The following POU6F2 variants were observed in gnomAD, a reference collection of about 807,000 sequenced individuals.
The protein encoded by POU6F2 is POU class 6 homeobox 2.
Under a neutral mutation model 71.3 loss-of-function variants are expected in POU6F2, and 31 were observed. That is an observed-to-expected ratio of 0.43 (90% CI 0.33 to 0.59). The LOEUF is 0.59. POU6F2 is among the 20% of genes least tolerant of loss of function. POU6F2 has a pLI of 0.04. For synonymous variants in POU6F2, 347 were observed against 355.7 expected, an observed-to-expected ratio of 0.98 and a Z score of 0.27; for missense variants, 783 against 856.8, an observed-to-expected ratio of 0.91 and a Z score of 1.07.
At position 39,396,531 on chromosome 7, in the gene POU6F2, G is replaced by A. The variant is rs116391712; in HGVS notation, c.973-10069G>A. 5.2e-4 allele frequency among the ~76,000 whole-genome samples: 79 copies of A among 152,290 alleles called. No homozygotes were observed. In the Middle Eastern group the frequency reaches 0.01, roughly 20 times the overall value. ...ATAACTCTTCAGCGTGTCCACAAGT[G>A]CTCATGGAGAGTCCCCTCTGTCCAC... On this transcript the variant is annotated intron_variant, in intron 5 of 9. Coordinates refer to ENST00000518318, the MANE Select transcript of POU6F2 (RefSeq NM_001370959.1).
At chr7:39,098,071 C>G (rs1404183331) in intron 2 of POU6F2, among the ~76,000 whole-genome samples, 1 of 152,100 alleles carries the variant, frequency 6.6e-6, no homozygotes. Flanking sequence ...AATTGCTCTT[C>G]TTTAGGGATT....
At chr7:39,451,785 A>ACTCTCTCTTG in intron 8 of POU6F2, 84 bp downstream of exon 8, 1 of 1,421,824 alleles carries the variant, frequency 7.0e-7, no homozygotes. Context: ...TCTCTCTCTC[A>ACTCTCTCTTG]CTCTCTCTTG....
chr7:39,086,114 C>G (rs1366536009), intron 2 of POU6F2, 83 bp downstream of exon 2: 24 of 1,234,454 alleles, frequency 1.9e-5, no homozygotes, highest in Non-Finnish European at 2.2e-5. Flanking sequence ...CCCTTTTTTT[C>G]TGTTGTTCAT....
At chr7:39,327,273 T>A (rs903479981) in intron 4 of POU6F2, among the ~76,000 whole-genome samples, 15 of 134,602 alleles carry the variant, frequency 1.1e-4, no homozygotes, top group African/African-American at 3.7e-4. Flanking sequence ...AGGGAGACTC[T>A]GTCTCAAAAA....
chr7:39,275,775 A>G (rs1243420713), intron 4 of POU6F2, among the ~76,000 whole-genome samples: 1 of 151,962 alleles, frequency 6.6e-6, no homozygotes, highest in Admixed American at 6.6e-5. Flanking sequence ...GATCTTTGAC[A>G]AACCTGAGAA....
At chr7:39,144,088 AGTACC>A (rs1346588405) in intron 2 of POU6F2, among the ~76,000 whole-genome samples, 3 of 152,276 alleles carry the variant, frequency 2.0e-5, no homozygotes, top group African/African-American at 7.2e-5. Context: ...ATATTTATAA[AGTACC>A]TTTGAGGTGT....
chr7:39,171,016 CTTT>C (rs760022218), intron 2 of POU6F2, among the ~76,000 whole-genome samples: 12 of 94,580 alleles, frequency 1.3e-4, no homozygotes, highest in African/African-American at 4.1e-4. Flanking sequence ...TCACATATAT[CTTT>C]TTTTTTTTTT....
intron 5 of POU6F2, among the ~76,000 whole-genome samples, chr7:39,384,251 A>G (rs1786889191): frequency 6.6e-6 from 1 of 152,184 alleles, no homozygotes; most frequent in Non-Finnish European, 1.5e-5. Context: ...AATACTTGCA[A>G]TTGGTTTGGA....
At chr7:38,980,676 A>G (rs117356627) in intron 1 of POU6F2, among the ~76,000 whole-genome samples, 7,004 of 152,210 alleles carry the variant, frequency 0.046, 256 homozygotes, top group Non-Finnish European at 0.068. Context: ...TTTCTGCTCA[A>G]ATACGTTTTG....
At chr7:39,234,201 C>G (rs1369531121) in intron 4 of POU6F2, among the ~76,000 whole-genome samples, 1 of 151,922 alleles carries the variant, frequency 6.6e-6, no homozygotes, top group Non-Finnish European at 1.5e-5. Context: ...CCTTGGGAGT[C>G]TTTATGATTA....
At chr7:39,152,726 G>A (rs947617193) in intron 2 of POU6F2, among the ~76,000 whole-genome samples, 1 of 152,098 alleles carries the variant, frequency 6.6e-6, no homozygotes, top group Non-Finnish European at 1.5e-5. Flanking sequence ...TAATTTCAGA[G>A]TTTGATTCTA....
intron 5 of POU6F2, among the ~76,000 whole-genome samples, chr7:39,365,512 T>G (rs1053870916): frequency 6.6e-6 from 1 of 151,968 alleles, no homozygotes; most frequent in Admixed American, 6.6e-5. Context: ...GCAAATGCAA[T>G]AAAAACAAAG....
chr7:39,247,798 T>C (rs543095543), intron 4 of POU6F2, among the ~76,000 whole-genome samples: 2 of 152,316 alleles, frequency 1.3e-5, no homozygotes, highest in Non-Finnish European at 2.9e-5. Flanking sequence ...CACAGACTTT[T>C]AAGTTAATGG....
At position 39,006,255 on chromosome 7, in the gene POU6F2, G is replaced by A. The variant is rs544025730; in HGVS notation, c.105+28197G>A. ...GAGGCAGGCAGATCACCTGAGGTCAGGAGTTTGAGGCCAGCCTGGCCAACA... is the reference window on the plus strand; with the variant it reads ...GAGGCAGGCAGATCACCTGAGGTCAAGAGTTTGAGGCCAGCCTGGCCAACA... On this transcript the variant is annotated intron_variant, in intron 1 of 9. Transcript: ENST00000518318. Among the ~76,000 whole-genome samples, 8 of 152,272 alleles carry A rather than the reference G, an allele frequency of 5.3e-5. No individual in the cohort carries two copies. The South Asian group carries it at 1.7e-3, about 32-fold the overall frequency.
intron 6 of POU6F2, among the ~76,000 whole-genome samples, chr7:39,412,330 T>C (rs1423350961): frequency 6.6e-6 from 1 of 152,236 alleles, no homozygotes; most frequent in African/African-American, 2.4e-5. Flanking sequence ...TAGCCCATCA[T>C]TTAAATACAT....
chr7:39,131,173 G>T (rs1357664576), intron 2 of POU6F2, among the ~76,000 whole-genome samples: 1 of 152,112 alleles, frequency 6.6e-6, no homozygotes, highest in Non-Finnish European at 1.5e-5. Flanking sequence ...CGCTCCTCCG[G>T]TCCTTTATTG....
Position 39,460,149 on chromosome 7 carries a change from A to G in POU6F2, c.1490-398A>G, listed in dbSNP as rs1788912077. Among the ~76,000 whole-genome samples, 1 of 152,230 alleles carries G rather than the reference A, an allele frequency of 6.6e-6. No individual in the cohort carries two copies. The highest frequency in any genetic ancestry group is 6.5e-5 in the Admixed American group (1 of 15,286). On this transcript the variant is annotated intron_variant, in intron 8 of 9. Transcript: ENST00000518318. The surrounding 1 kb of genome is among the most constrained non-coding windows in gnomAD (Gnocchi z 4.4). Reference sequence around the variant, plus strand: ...TAGCACTAAATATGCTAATTAAAACATTTCAAATGGAAACCTTTCCCTTTT... The same window carrying G: ...TAGCACTAAATATGCTAATTAAAACGTTTCAAATGGAAACCTTTCCCTTTT...
Position 38,981,462 on chromosome 7 carries a change from C to T in POU6F2, c.105+3404C>T, listed in dbSNP as rs189362954. Among the ~76,000 whole-genome samples, 690 of 152,310 alleles carry T rather than the reference C, an allele frequency of 4.5e-3. 3 individuals carry two copies. Among genetic ancestry groups the T allele is most frequent in the Non-Finnish European group, 6.9e-3 (467 of 68,042 alleles). On this transcript the variant is annotated intron_variant, in intron 1 of 9. Coordinates refer to ENST00000518318, the MANE Select transcript of POU6F2 (RefSeq NM_001370959.1). ...CAGGCCTGAGGGTCCCTGTTGGCTT[C>T]ACGTCTATAGACTGACTTTTGCAAA...
chr7:39,327,129 A>G (rs977055575), intron 4 of POU6F2, among the ~76,000 whole-genome samples: 4 of 152,082 alleles, frequency 2.6e-5, no homozygotes, highest in Non-Finnish European at 4.4e-5. Flanking sequence ...AATACAAAAA[A>G]TCAGCCTGGC....
Sources: gnomAD v4.1 joint callset for allele counts (sites outside exome capture counted in the v4.1 genomes callset) on GRCh38, gnomAD v4.1.1 for gene constraint, Gnocchi (gnomAD v3.1) non-coding constraint, MANE v1.5 for transcripts, NCBI Gene and HGNC (gene_info 2026-07-23, HGNC 2026-07-21) for gene names.